Variants in RCL1 observed in about 807,000 individuals in gnomAD.
The protein encoded by RCL1 is RNA 3'-terminal phosphate cyclase-like protein.
In RCL1, 24 loss-of-function variants were observed where a neutral mutation model predicts 42.4. The observed-to-expected ratio is 0.57, with a 90% CI of 0.41 to 0.80. The LOEUF is 0.80. Ranked by LOEUF, RCL1 falls within the 30% of genes least tolerant of loss-of-function variation. The pLI, the probability that RCL1 is intolerant of heterozygous loss-of-function variation, is 0.00. For synonymous variants in RCL1, 228 were observed against 177.3 expected, an observed-to-expected ratio of 1.29 and a Z score of -2.27; for missense variants, 578 against 467.9, an observed-to-expected ratio of 1.24 and a Z score of -2.17.
At chr9:4,818,217 G>A (rs554554423) in intron 1 of RCL1, among the ~76,000 whole-genome samples, 21 of 152,080 alleles carry the variant, frequency 1.4e-4, no homozygotes, top group African/African-American at 4.8e-4. Context: ...CACCGCGCCC[G>A]GCCCAGTTGC....
intron 7 of RCL1, among the ~76,000 whole-genome samples, chr9:4,847,222 GC>G (rs1817551368): frequency 6.6e-6 from 1 of 152,034 alleles, no homozygotes; most frequent in African/African-American, 2.4e-5. Flanking sequence ...CTTCCATTGT[GC>G]CTGGACCAAA....
intron 7 of RCL1, among the ~76,000 whole-genome samples, chr9:4,845,306 G>C (rs1817476095): frequency 2.0e-5 from 3 of 152,212 alleles, no homozygotes; most frequent in Admixed American, 1.3e-4. Context: ...GAACAGAGAA[G>C]GGGTAAACTG....
At chr9:4,803,678 T>G (rs1843044547) in intron 1 of RCL1, 1 of 152,246 alleles carries the variant, frequency 6.6e-6, no homozygotes, top group Non-Finnish European at 1.5e-5. Flanking sequence ...ATGATTGTAG[T>G]GCTTCCCAGG....
At chr9:4,851,343 G>C (rs1164014742) in intron 8 of RCL1, among the ~76,000 whole-genome samples, 1 of 152,172 alleles carries the variant, frequency 6.6e-6, no homozygotes, top group Non-Finnish European at 1.5e-5. Flanking sequence ...GTGCAGACGG[G>C]TCTGCCAGGG....
Position 4,834,265 on chromosome 9 carries a change from C to T in RCL1, c.584C>T (p.Ala195Val), listed in dbSNP as rs1311804560. 5.0e-6 allele frequency: 8 copies of T among 1,607,912 alleles called. No individual in the cohort carries two copies. The highest frequency in any genetic ancestry group is 2.2e-5 in the East Asian group (1 of 44,724). The change falls in exon 5 of 9, where the codon GCG (alanine) becomes GTG (valine). Residue 195 changes from alanine to valine, a missense_variant and splice_region_variant. Coordinates refer to ENST00000381750, the MANE Select transcript of RCL1 (RefSeq NM_005772.5). ...AAAATCAAACGTATTAGAGGAATGG[C>T]GTATCCTTTCCATTTATTTGGATTT... ...PGKIKRIRGM[A>V]YSVRVSPQMA... is the part of the protein sequence containing the mutation.
At chr9:4,815,729 A>T (rs768379652) in intron 1 of RCL1, among the ~76,000 whole-genome samples, 1 of 151,834 alleles carries the variant, frequency 6.6e-6, no homozygotes, top group Non-Finnish European at 1.5e-5. Flanking sequence ...GGCCACAGGG[A>T]GCTGGGCACG....
At chr9:4,810,135 G>C (rs541408418) in intron 1 of RCL1, among the ~76,000 whole-genome samples, 1 of 152,086 alleles carries the variant, frequency 6.6e-6, no homozygotes, top group Non-Finnish European at 1.5e-5. Flanking sequence ...GCCAGTTTTC[G>C]TATTTTTAAA....
intron 1 of RCL1, among the ~76,000 whole-genome samples, chr9:4,813,741 A>T (rs1047980313): frequency 2.6e-5 from 4 of 152,242 alleles, no homozygotes; most frequent in Non-Finnish European, 5.9e-5. Flanking sequence ...ACGCACACGT[A>T]TGTTTATTGC....
chr9:4,811,291 A>G lies in RCL1; in HGVS notation c.137-12257A>G, dbSNP rs573425593. Among the ~76,000 whole-genome samples the G allele has an allele frequency of 1.6e-3, 246 of 152,086 alleles. 1 individual carries two copies. Among genetic ancestry groups the G allele is most frequent in the Admixed American group, 3.7e-3 (56 of 15,286 alleles). On this transcript the variant is annotated intron_variant, in intron 1 of 8. Coordinates refer to ENST00000381750, the MANE Select transcript of RCL1 (RefSeq NM_005772.5). ...CCCTGTATCTTTGCAAAAAAAAAAA[A>G]AAGGAAAAAAGAAAATATACAGTAA...
In RCL1 at chr9:4,826,219, T is replaced by C. The variant is rs377318998; in HGVS notation, c.209-639T>C. 7.1e-4 allele frequency among the ~76,000 whole-genome samples: 108 copies of C among 152,210 alleles called. 1 individual carries two copies. The East Asian group carries it at 0.012, about 17-fold the overall frequency. Reference sequence around the variant, plus strand: ...TGTGATCATGCCGCTGTACTCCAGCTTGGGGGACAGAGCAAGACCCTGTCT... The same window carrying C: ...TGTGATCATGCCGCTGTACTCCAGCCTGGGGGACAGAGCAAGACCCTGTCT... On this transcript the variant is annotated intron_variant, in intron 2 of 8. Coordinates refer to ENST00000381750, the MANE Select transcript of RCL1 (RefSeq NM_005772.5).
chr9:4,834,745 G>A (rs1416797814), intron 5 of RCL1, among the ~76,000 whole-genome samples: 1 of 152,086 alleles, frequency 6.6e-6, no homozygotes, highest in Non-Finnish European at 1.5e-5. Flanking sequence ...CATAATGAAT[G>A]ATATCTACTA....
intron 5 of RCL1, among the ~76,000 whole-genome samples, chr9:4,835,910 G>A (rs2131016957): frequency 6.6e-6 from 1 of 152,282 alleles, no homozygotes; most frequent in African/African-American, 2.4e-5. Context: ...TACTTGAGAG[G>A]GGATGGATTC....
At chr9:4,799,231 C>A (rs538675012) in intron 1 of RCL1, among the ~76,000 whole-genome samples, 1 of 151,858 alleles carries the variant, frequency 6.6e-6, no homozygotes, top group Non-Finnish European at 1.5e-5. Flanking sequence ...GCCTAACTGT[C>A]CCAAAGTGCT....
chr9:4,849,384 TCCTCC>T, intron 7 of RCL1, 58 bp from the exon 8 acceptor site: 4 of 1,269,844 alleles, frequency 3.1e-6, no homozygotes, highest in Admixed American at 2.0e-5. Flanking sequence ...GTTTTTTTTT[TCCTCC>T]TCTCTTTTGT....
rs1816787058 is a variant in RCL1 at position 4,827,030 on chromosome 9, T to C, written c.381T>C (p.Pro127=). The change falls in exon 3 of 9, where the codon CCT becomes CCC. Residue 127 remains proline, a synonymous_variant. Transcript: ENST00000381750. ...LRGVTNDQVD[P]SVDVLKATAL... ...GAGTGACCAATGATCAGGTTGACCC[T>C]TCAGTGAGTATTGAGAACAAACCGT... 2 of 1,614,226 alleles carry C rather than the reference T, an allele frequency of 1.2e-6. No individual in the cohort carries two copies. Among genetic ancestry groups the C allele is most frequent in the East Asian group, 2.2e-5 (1 of 44,882 alleles).
chr9:4,860,620 G>A lies in RCL1; in HGVS notation c.*345G>A, dbSNP rs1818141299. 2 of 210,950 alleles carry A rather than the reference G, an allele frequency of 9.5e-6. No homozygotes were observed. The highest frequency in any genetic ancestry group is 2.3e-5 in the African/African-American group (1 of 42,576). The allele number at this position is 210,950 out of a possible 1,614,324, so 13.1% of individuals were successfully genotyped here. A position where few individuals can be genotyped will look rare whatever the true frequency, so the allele number is the denominator to read the frequency against. On this transcript the variant is annotated 3_prime_UTR_variant, in exon 9 of 9. Transcript: ENST00000381750. ...CAGCCTACTATCATAGGCTTCCTCA[G>A]CCCTCTGTCATATGGCTGTTTTGCA...
rs149003954 is a variant in RCL1 at position 4,841,315 on chromosome 9, T to C, written c.668T>C (p.Ile223Thr). Residue 223 changes from isoleucine (I) to threonine (T), a missense_variant, in exon 6 of 9, where the codon ATC becomes ACC. Coordinates refer to ENST00000381750, the MANE Select transcript of RCL1 (RefSeq NM_005772.5). ...ATCCTCAACAAGTTCATACCTGATA[T>C]CTATATTTACACAGATCACATGAAA... The part of the protein sequence containing the change: ...RSILNKFIPD[I>T]YIYTDHMKGV... The C allele has an allele frequency of 4.3e-6, 7 of 1,613,284 alleles. No homozygotes were observed. Among genetic ancestry groups the C allele is most frequent in the East Asian group, 4.5e-5 (2 of 44,876 alleles).
At chr9:4,856,378 G>C (rs1302124030) in intron 8 of RCL1, among the ~76,000 whole-genome samples, 2 of 152,168 alleles carry the variant, frequency 1.3e-5, no homozygotes, top group Non-Finnish European at 2.9e-5. Flanking sequence ...TCTATCCAGT[G>C]CCTCTTTACT....
At chr9:4,798,875 CTTCT>C (rs1369633822) in intron 1 of RCL1, among the ~76,000 whole-genome samples, 24 of 96,108 alleles carry the variant, frequency 2.5e-4, no homozygotes, top group East Asian at 6.7e-4. Context: ...AATAAGACTT[CTTCT>C]TTTTTTTTTT....
Sources: allele counts gnomAD v4.1 joint callset (sites outside exome capture counted in the v4.1 genomes callset), GRCh38; gene constraint gnomAD v4.1.1; transcripts MANE v1.5; gene names NCBI Gene and HGNC (gene_info 2026-07-23, HGNC 2026-07-21).